The following ZNF804B variants were observed in gnomAD, a reference collection of about 807,000 sequenced individuals.
ZNF804B encodes the protein zinc finger 804B.
Under a neutral mutation model 101.4 loss-of-function variants are expected in ZNF804B, and 80 were observed. The ratio of observed to expected loss-of-function variants is 0.79; its 90% confidence interval spans 0.66 to 0.95. The LOEUF (loss-of-function observed/expected upper bound fraction) is 0.95, where lower values mean the gene tolerates loss of function less well. Ranked by LOEUF, ZNF804B falls within the 40% of genes least tolerant of loss-of-function variation. The probability of loss-of-function intolerance (pLI) is 0.00; values close to 1 mark genes in which losing one functional copy is unlikely to be tolerated. For missense variants in ZNF804B, 1,673 were observed against 1,561.9 expected, an observed-to-expected ratio of 1.07 and a Z score of -1.20; for synonymous variants, 622 against 558.8, an observed-to-expected ratio of 1.11 and a Z score of -1.59.
At chr7:89,310,891 T>A (rs1199235553) in intron 2 of ZNF804B, among the ~76,000 whole-genome samples, 1 of 152,094 alleles carries the variant, frequency 6.6e-6, no homozygotes, top group East Asian at 1.9e-4. Flanking sequence ...GGTAACAGCC[T>A]GCCAAATAAA....
At chr7:88,763,816 G>A (rs960658903) in intron 1 of ZNF804B, among the ~76,000 whole-genome samples, 2 of 151,988 alleles carry the variant, frequency 1.3e-5, no homozygotes, top group African/African-American at 4.8e-5. Flanking sequence ...AGCCAAAGAA[G>A]TTTTTTATAT....
At chr7:89,043,280 C>G (rs1372320239) in intron 1 of ZNF804B, among the ~76,000 whole-genome samples, 1 of 152,176 alleles carries the variant, frequency 6.6e-6, no homozygotes, top group Non-Finnish European at 1.5e-5. Context: ...ATATTCATGA[C>G]TCAGTCGCAT....
At chr7:88,881,052 C>G in intron 1 of ZNF804B, among the ~76,000 whole-genome samples, 1 of 151,816 alleles carries the variant, frequency 6.6e-6, no homozygotes, top group East Asian at 1.9e-4. Context: ...CTCTCCATTT[C>G]CCAAATAGTG....
chr7:89,218,632 A>C (rs1483741422), intron 2 of ZNF804B, among the ~76,000 whole-genome samples: 1 of 152,160 alleles, frequency 6.6e-6, no homozygotes, highest in Non-Finnish European at 1.5e-5. Flanking sequence ...AAATCTGCAT[A>C]TGATTTTTAA....
intron 2 of ZNF804B, among the ~76,000 whole-genome samples, chr7:89,235,640 A>G (rs114120630): frequency 0.011 from 1,742 of 152,302 alleles, 34 homozygotes; most frequent in African/African-American, 0.04. Context: ...TTAATTGGCT[A>G]TAATAATAGC....
chr7:89,027,402 T>TAAAAC (rs962469121), intron 1 of ZNF804B, among the ~76,000 whole-genome samples: 1 of 152,118 alleles, frequency 6.6e-6, no homozygotes. Context: ...TCCATTGTAA[T>TAAAAC]AAAACAAAAC....
At chr7:89,144,117 A>G (rs1790755184) in intron 1 of ZNF804B, among the ~76,000 whole-genome samples, 1 of 152,066 alleles carries the variant, frequency 6.6e-6, no homozygotes, top group Non-Finnish European at 1.5e-5. Flanking sequence ...ACAATTCTCC[A>G]AAAGCAGAGA....
chr7:89,197,228 A>T (rs1000894222), intron 1 of ZNF804B, among the ~76,000 whole-genome samples: 3 of 151,934 alleles, frequency 2.0e-5, no homozygotes, highest in Non-Finnish European at 4.4e-5. Flanking sequence ...GAAGAAAAAA[A>T]ATTATCTTTA....
Position 88,963,731 on chromosome 7 carries a change from T to G in ZNF804B, c.108+203647T>G, listed in dbSNP as rs558587844. On this transcript the variant is annotated intron_variant, in intron 1 of 3. Transcript: ENST00000333190. ...ACATCATAGAATCCTGTTAGGAGAT[T>G]TAAAGGACAACCTATGGAATGAGAA... is the stretch of plus-strand genomic sequence containing the variant. 2.6e-5 allele frequency among the ~76,000 whole-genome samples: 4 copies of G among 151,406 alleles called. No individual in the cohort carries two copies. The East Asian group carries it at 7.9e-4, about 30-fold the overall frequency.
At chr7:88,883,545 A>G (rs1168866571) in intron 1 of ZNF804B, among the ~76,000 whole-genome samples, 1 of 152,112 alleles carries the variant, frequency 6.6e-6, no homozygotes, top group Non-Finnish European at 1.5e-5. Flanking sequence ...AGTGGAGGTG[A>G]CCACTATGGT....
At chr7:88,864,626 A>G (rs138374526) in intron 1 of ZNF804B, among the ~76,000 whole-genome samples, 1 of 152,226 alleles carries the variant, frequency 6.6e-6, no homozygotes, top group Non-Finnish European at 1.5e-5. Flanking sequence ...TTATTTATCA[A>G]TGTATTGATG....
intron 1 of ZNF804B, among the ~76,000 whole-genome samples, chr7:89,124,345 G>A (rs1233033195): frequency 6.6e-6 from 1 of 152,144 alleles, no homozygotes; most frequent in East Asian, 1.9e-4. Context: ...AGCTAATCAT[G>A]GTGATGGGGA....
intron 1 of ZNF804B, among the ~76,000 whole-genome samples, chr7:88,808,483 G>GT (rs1448407547): frequency 6.6e-6 from 1 of 151,142 alleles, no homozygotes; most frequent in Non-Finnish European, 1.5e-5. Flanking sequence ...TTATCATCTT[G>GT]TCTAGGGTAG....
chr7:88,823,359 G>T (rs558024673), intron 1 of ZNF804B, among the ~76,000 whole-genome samples: 1 of 152,110 alleles, frequency 6.6e-6, no homozygotes, highest in Admixed American at 6.6e-5. Flanking sequence ...GGTATAAACA[G>T]CCTGGACAGT....
chr7:89,310,366 A>C (rs747327939), intron 2 of ZNF804B, among the ~76,000 whole-genome samples: 2 of 152,128 alleles, frequency 1.3e-5, no homozygotes, highest in Non-Finnish European at 2.9e-5. Context: ...GTATAGCTCA[A>C]CTCAATACTA....
chr7:89,257,234 A>G (rs1020348241), intron 2 of ZNF804B, among the ~76,000 whole-genome samples: 1 of 152,146 alleles, frequency 6.6e-6, no homozygotes, highest in African/African-American at 2.4e-5. Flanking sequence ...TAAATACTGG[A>G]GTCAATTTCT....
At chr7:89,047,457 C>A (rs534366878) in intron 1 of ZNF804B, among the ~76,000 whole-genome samples, 47 of 152,020 alleles carry the variant, frequency 3.1e-4, no homozygotes, top group African/African-American at 8.7e-4. Flanking sequence ...TGGAAAGGAG[C>A]GCTTTATTAC....
At chr7:89,090,983 T>C (rs1220380940) in intron 1 of ZNF804B, among the ~76,000 whole-genome samples, 1 of 152,152 alleles carries the variant, frequency 6.6e-6, no homozygotes, top group Admixed American at 6.5e-5. Context: ...GTAACACATT[T>C]TGAGGAAAGT....
intron 1 of ZNF804B, among the ~76,000 whole-genome samples, chr7:88,953,706 G>T (rs1033381498): frequency 6.6e-6 from 1 of 151,640 alleles, no homozygotes; most frequent in Admixed American, 6.6e-5. Flanking sequence ...AGAATCTTAA[G>T]ATTCTTCTTT....
Sources: allele counts gnomAD v4.1 joint callset (sites outside exome capture counted in the v4.1 genomes callset), GRCh38; gene constraint gnomAD v4.1.1; transcripts MANE v1.5; gene names NCBI Gene and HGNC (gene_info 2026-07-23, HGNC 2026-07-21).